PIN4: variants seen among roughly 807,000 people sequenced by gnomAD.
The protein encoded by PIN4 is peptidylprolyl cis/trans isomerase, NIMA-interacting 4.
Under a neutral mutation model 8.3 loss-of-function variants are expected in PIN4, and 3 were observed. That is an observed-to-expected ratio of 0.36 (90% confidence interval 0.16 to 0.93). PIN4 has a LOEUF of 0.93. Ranked by LOEUF, PIN4 falls within the 40% of genes least tolerant of loss-of-function variation. The pLI is 0.44. For missense variants in PIN4, 75 were observed against 100.6 expected (o/e 0.75, Z 1.09); for synonymous variants, 18 against 32.5 (o/e 0.55, Z 1.52).
rs1384984139 is a variant in PIN4, at chrX:72,224,176, A to T, written c.312+27272A>T. Among the ~76,000 whole-genome samples the T allele has an allele frequency of 4.5e-5, 5 of 111,422 alleles. No homozygotes were observed. In the East Asian group the frequency reaches 1.4e-3, roughly 31 times the overall value. ...TACTGGGGCGAGCCTATCAGTATTA[A>T]CTGAATATCAAGGCCCACTAGAATG... On this transcript the variant is annotated intron_variant, in intron 3 of 3. Coordinates refer to the PIN4 transcript ENST00000423432.
Position 72,262,781 on chromosome X carries a change from A to G in PIN4, c.387A>G (p.Leu129=), listed in dbSNP as rs187890537. The change falls in exon 4 of 4, where the codon TTA becomes TTG. Residue 129 remains leucine, a synonymous_variant. Transcript: ENST00000423432. ...CCCTCATCTCATTGGTATCATATTTACAAACCACCCCTTAAAGTGGATTAT... is the reference window on the plus strand; with the variant it reads ...CCCTCATCTCATTGGTATCATATTTGCAAACCACCCCTTAAAGTGGATTAT... The G allele has an allele frequency of 1.0e-4, 114 of 1,111,238 alleles. No individual in the cohort carries two copies. The African/African-American group carries it at 1.9e-3, about 18-fold the overall frequency. 91.6% of individuals were successfully genotyped at this position (1,111,238 alleles called of 1,213,427 possible). A position where few individuals can be genotyped will look rare whatever the true frequency, so the allele number is the denominator to read the frequency against.
rs188368303 is a variant in PIN4 at position 72,237,408 on chromosome X, C to T, written c.313-25299C>T. 3.5e-4 allele frequency among the ~76,000 whole-genome samples: 39 copies of T among 110,457 alleles called. No individual in the cohort carries two copies. The East Asian group carries it at 0.011, about 30-fold the overall frequency. On this transcript the variant is annotated intron_variant, in intron 3 of 3. Transcript: ENST00000423432. ...GGTCAGGAGATTGAGACCATCCCGGCTAACACGGTGAAACCCCGTCTCTAC... is the reference window on the plus strand; with the variant it reads ...GGTCAGGAGATTGAGACCATCCCGGTTAACACGGTGAAACCCCGTCTCTAC...
chrX:72,228,756 T>C (rs1256121336), intron 3 of PIN4, among the ~76,000 whole-genome samples: 3 of 111,275 alleles, frequency 2.7e-5, no homozygotes, highest in Non-Finnish European at 3.8e-5. Context: ...CTTGTTTTTT[T>C]TTCAATACAA....
chrX:72,189,245 A>T (rs1412142582), intron 2 of PIN4, among the ~76,000 whole-genome samples: 1 of 111,861 alleles, frequency 8.9e-6, no homozygotes, highest in Non-Finnish European at 1.9e-5. Flanking sequence ...ACAAAACTAT[A>T]GTACAATAGC....
intron 3 of PIN4, among the ~76,000 whole-genome samples, chrX:72,252,098 G>A (rs970857620): frequency 2.7e-5 from 3 of 110,685 alleles, no homozygotes; most frequent in African/African-American, 9.8e-5. Flanking sequence ...TCACTTGAGG[G>A]AGAACAGAGA....
In PIN4 at chrX:72,198,061, T is replaced by C. The variant is rs1329225580; in HGVS notation, c.*535T>C. On this transcript the variant is annotated 3_prime_UTR_variant, in exon 4 of 4. Transcript: ENST00000373669. ...CCTTTCAGTGTTAACTCCTTTCTTT[T>C]TAAATAAATGTTTATTGGAGGAAAA... is the stretch of plus-strand genomic sequence containing the variant. 1.3e-6 allele frequency: 1 copy of C among 750,095 alleles called. No homozygotes were observed. Among genetic ancestry groups the C allele is most frequent in the East Asian group, 1.5e-4 (1 of 6,611 alleles). 61.8% of individuals were successfully genotyped at this position (750,095 alleles called of 1,213,427 possible).
At chrX:72,248,866 G>C (rs1182413103) in intron 3 of PIN4, among the ~76,000 whole-genome samples, 1 of 108,187 alleles carries the variant, frequency 9.2e-6, no homozygotes, top group Non-Finnish European at 1.9e-5. Flanking sequence ...GACAGAGCAA[G>C]ACTCCATCTC....
intron 3 of PIN4, among the ~76,000 whole-genome samples, chrX:72,226,887 C>G (rs1280439943): frequency 9.0e-6 from 1 of 111,727 alleles, no homozygotes; most frequent in African/African-American, 3.3e-5. Flanking sequence ...ACAACCTCTT[C>G]CATACTAGCC....
downstream of PIN4, among the ~76,000 whole-genome samples, chrX:72,200,175 AAG>A (rs1173512174): frequency 1.8e-5 from 2 of 111,148 alleles, no homozygotes; most frequent in African/African-American, 6.5e-5. Context: ...AAAAAAAAAA[AAG>A]AGTTGACAAA....
chrX:72,189,696 A>T (rs1477114431), intron 2 of PIN4, among the ~76,000 whole-genome samples: 2 of 111,757 alleles, frequency 1.8e-5, no homozygotes, highest in Admixed American at 9.5e-5. Context: ...CAGATTAGGG[A>T]TGCTCAACTG....
chrX:72,198,873 G>A (rs2042779124), downstream of PIN4: 1 of 109,375 alleles, frequency 9.1e-6, no homozygotes, highest in Non-Finnish European at 1.9e-5. Context: ...TAAAAAAAAA[G>A]AAAGAAAAAC....
intron 3 of PIN4, among the ~76,000 whole-genome samples, chrX:72,210,785 A>G (rs1043160765): frequency 9.0e-6 from 1 of 111,530 alleles, no homozygotes; most frequent in African/African-American, 3.3e-5. Flanking sequence ...AACCACAACG[A>G]GAGTTTACAG....
intron 3 of PIN4, among the ~76,000 whole-genome samples, chrX:72,257,302 C>T (rs765410518): frequency 3.6e-5 from 4 of 110,702 alleles, no homozygotes; most frequent in Non-Finnish European, 7.6e-5. Context: ...GCCTGAGTGA[C>T]AGAGCGAGAT....
Position 72,198,198 on chromosome X carries a change from A to C in PIN4, c.*672A>C. 1.3e-6 allele frequency: 1 copy of C among 750,840 alleles called. No individual in the cohort carries two copies. The highest frequency in any genetic ancestry group is 1.6e-6 in the Non-Finnish European group (1 of 635,827). The allele number at this position is 750,840 out of a possible 1,213,427, so 61.9% of individuals were successfully genotyped here. ...CCCTCATCTTCAGTGTATGGGTTAC[A>C]TTAAGACTGTCCTTTCCAGGGCCAA... On this transcript the variant is annotated 3_prime_UTR_variant, in exon 4 of 4. Transcript: ENST00000373669.
intron 3 of PIN4, among the ~76,000 whole-genome samples, chrX:72,241,252 C>T (rs919914037): frequency 2.2e-4 from 25 of 111,437 alleles, no homozygotes; most frequent in Admixed American, 2.2e-3. Context: ...CATTGAGAGG[C>T]GGGGCCTTTT....
intron 2 of PIN4, among the ~76,000 whole-genome samples, chrX:72,193,889 A>G (rs1391172276): frequency 9.0e-6 from 1 of 110,913 alleles, no homozygotes; most frequent in Non-Finnish European, 1.9e-5. Context: ...AAAAAAAAGA[A>G]AAAAGCTTAT....
At chrX:72,247,236 C>T (rs765818585) in intron 3 of PIN4, among the ~76,000 whole-genome samples, 107 of 112,074 alleles carry the variant, frequency 9.5e-4, no homozygotes, top group Non-Finnish European at 1.4e-3. Context: ...CTGGAAGTAA[C>T]ACAGAGGATT....
At position 72,186,515 on chromosome X, in the gene PIN4, G is replaced by A. The variant is rs2042704348; in HGVS notation, c.98G>A (p.Gly33Asp). ...SADKKAQGPK[G>D]GGNAVKVRHI... ...GACAAGAAGGCTCAAGGTCCCAAAG[G>A]TGGTGGCAATGCAGTAAAGGTGAGT... The change falls in exon 2 of 4, where the codon GGT becomes GAT. Residue 33 changes from glycine to aspartate, a missense_variant. Transcript: ENST00000373669. 1 of 1,194,687 alleles carries A rather than the reference G, an allele frequency of 8.4e-7. No homozygotes were observed. Among genetic ancestry groups the A allele is most frequent in the Non-Finnish European group, 1.1e-6 (1 of 882,243 alleles).
chrX:72,202,433 T>C (rs187309992), downstream of PIN4, among the ~76,000 whole-genome samples: 2 of 112,784 alleles, frequency 1.8e-5, no homozygotes, highest in Admixed American at 9.4e-5. Context: ...TAAAGCTTCC[T>C]TGAAGGCAAA....
Sources: gnomAD v4.1 joint callset for allele counts (sites outside exome capture counted in the v4.1 genomes callset) on GRCh38, gnomAD v4.1.1 for gene constraint, MANE v1.5 for transcripts, NCBI Gene and HGNC (gene_info 2026-07-23, HGNC 2026-07-21) for gene names.